Variants in SMAD2 observed in about 807,000 individuals in gnomAD.
The protein encoded by SMAD2 is SMAD family member 2.
A neutral mutation model predicts 64.4 loss-of-function variants in SMAD2; 8 were observed. The observed-to-expected ratio is 0.12, with a 90% CI of 0.07 to 0.22. SMAD2 has a LOEUF of 0.22. Among genes scored for constraint, SMAD2 ranks in the 10% least tolerant of loss-of-function variants. The pLI, the probability that SMAD2 is intolerant of heterozygous loss-of-function variation, is 1.00. For synonymous variants in SMAD2, 203 were observed against 195.8 expected, an observed-to-expected ratio of 1.04 and a Z score of -0.31; for missense variants, 289 against 561.2, an observed-to-expected ratio of 0.51 and a Z score of 4.90.
At chr18:47,915,092 T>C (rs1394885745) in intron 1 of SMAD2, among the ~76,000 whole-genome samples, 1 of 152,326 alleles carries the variant, frequency 6.6e-6, no homozygotes, top group East Asian at 1.9e-4. Context: ...TCAACACTCA[T>C]GTACTTTCCA....
chr18:47,871,561 G>A (rs2031934731), intron 2 of SMAD2, among the ~76,000 whole-genome samples: 1 of 152,162 alleles, frequency 6.6e-6, no homozygotes, highest in Non-Finnish European at 1.5e-5. Context: ...CTATCAGGCT[G>A]CAGGAACACA....
intron 2 of SMAD2, among the ~76,000 whole-genome samples, chr18:47,875,698 C>T (rs945477640): frequency 2.0e-5 from 3 of 152,050 alleles, no homozygotes; most frequent in African/African-American, 7.2e-5. Context: ...AATCCTCTTT[C>T]AATTTTATTT....
Position 47,841,512 on chromosome 18 carries a change from C to A in SMAD2, c.*315G>T. The A allele has an allele frequency of 2.2e-6, 1 of 449,546 alleles. No homozygotes were observed. The highest frequency in any genetic ancestry group is 2.3e-5 in the South Asian group (1 of 43,966). 27.8% of individuals were successfully genotyped at this position (449,546 alleles called of 1,614,324 possible). On this transcript the variant is annotated 3_prime_UTR_variant, in exon 11 of 11. Coordinates refer to ENST00000262160, the MANE Select transcript of SMAD2 (RefSeq NM_005901.6). ...AATACTGTGATACTGGATCATGATACATTACCTGTACACATAACTACTACT... is the reference window on the plus strand; with the variant it reads ...AATACTGTGATACTGGATCATGATAAATTACCTGTACACATAACTACTACT...
chr18:47,853,578 C>G, intron 6 of SMAD2: 1 of 173,568 alleles, frequency 5.8e-6, no homozygotes, highest in Non-Finnish European at 1.2e-5. Context: ...CACACCTCCT[C>G]CCTACCACAC....
chr18:47,882,426 G>C (rs756339968), intron 2 of SMAD2: 1 of 147,346 alleles, frequency 6.8e-6, no homozygotes, highest in Non-Finnish European at 1.5e-5. Flanking sequence ...TGAACTCCTA[G>C]GCTTAAGCAA....
At chr18:47,886,049 G>A (rs927369145) in intron 2 of SMAD2, among the ~76,000 whole-genome samples, 1 of 152,200 alleles carries the variant, frequency 6.6e-6, no homozygotes, top group African/African-American at 2.4e-5. Context: ...AGACTTGAGC[G>A]TCTCCAAATT....
At chr18:47,852,765 A>T (rs912762947) in intron 6 of SMAD2, among the ~76,000 whole-genome samples, 10 of 152,096 alleles carry the variant, frequency 6.6e-5, no homozygotes, top group Admixed American at 4.6e-4. Context: ...TTTTGGGTAA[A>T]CAGGCTAAAT....
chr18:47,903,883 G>GT (rs145313255), intron 1 of SMAD2, among the ~76,000 whole-genome samples: 1 of 138,924 alleles, frequency 7.2e-6, no homozygotes, highest in Non-Finnish European at 1.6e-5. Flanking sequence ...GTGTGGGGGG[G>GT]GGGGGGACTC....
chr18:47,879,547 T>TGTTA (rs1238531798), intron 2 of SMAD2, among the ~76,000 whole-genome samples: 2 of 143,982 alleles, frequency 1.4e-5, no homozygotes, highest in Non-Finnish European at 3.1e-5. Flanking sequence ...TTCCATTACT[T>TGTTA]GAACAAGCAT....
In SMAD2 at chr18:47,930,541, C is replaced by A. The variant is rs1258872844; in HGVS notation, c.-234G>T. The A allele has an allele frequency of 6.9e-6, 1 of 144,836 alleles. No homozygotes were observed. Among genetic ancestry groups the A allele is most frequent in the Non-Finnish European group, 1.5e-5 (1 of 65,630 alleles). 9.0% of individuals were successfully genotyped at this position (144,836 alleles called of 1,614,324 possible). Reference sequence around the variant, plus strand: ...CCCCGCCCCCAGGCCCGGGCCCGGCCGGCGGCCCGGGCGCGCGGGAGGGTA... The same window carrying A: ...CCCCGCCCCCAGGCCCGGGCCCGGCAGGCGGCCCGGGCGCGCGGGAGGGTA... On this transcript the variant is annotated 5_prime_UTR_variant, in exon 1 of 11. Coordinates refer to ENST00000262160, the MANE Select transcript of SMAD2 (RefSeq NM_005901.6).
chr18:47,886,570 C>CATGTATCTATCT (rs1555655791), intron 2 of SMAD2, among the ~76,000 whole-genome samples: 1 of 146,704 alleles, frequency 6.8e-6, no homozygotes, highest in African/African-American at 2.6e-5. Context: ...TATATCTATC[C>CATGTATCTATCT]ATCTATCTAT....
intron 1 of SMAD2, among the ~76,000 whole-genome samples, chr18:47,908,831 C>T (rs2096933): frequency 6.6e-6 from 1 of 151,942 alleles, no homozygotes; most frequent in Non-Finnish European, 1.5e-5. Flanking sequence ...AAAAAGTGAT[C>T]TCTCACATTT....
rs371834698 is a variant in SMAD2, at chr18:47,822,154, G to A, written c.*19673C>T. ...GAGTGTTCCAAAATTGTACGATGCC[G>A]TTAGAAATATGTCATCAGTCATAAT... On this transcript the variant is annotated 3_prime_UTR_variant, in exon 11 of 11. Transcript: ENST00000262160. The A allele has an allele frequency of 8.5e-5, 13 of 152,184 alleles. No homozygotes were observed. The highest frequency in any genetic ancestry group is 1.5e-4 in the Non-Finnish European group (10 of 68,026). 9.4% of individuals were successfully genotyped at this position (152,184 alleles called of 1,614,324 possible). A position where few individuals can be genotyped will look rare whatever the true frequency, so the allele number is the denominator to read the frequency against.
chr18:47,859,320 A>G lies in SMAD2; in HGVS notation c.730+5739T>C, dbSNP rs573951585. Among the ~76,000 whole-genome samples the G allele has an allele frequency of 2.9e-4, 44 of 152,286 alleles. 1 individual carries two copies. In the South Asian group the frequency reaches 8.1e-3, roughly 28 times the overall value. On this transcript the variant is annotated intron_variant, in intron 6 of 10. Coordinates refer to ENST00000262160, the MANE Select transcript of SMAD2 (RefSeq NM_005901.6). ...ATCATAAAGAATTAAGAAGATGTAAACACTATCAACCACCCTGACCTAAAT... is the reference window on the plus strand; with the variant it reads ...ATCATAAAGAATTAAGAAGATGTAAGCACTATCAACCACCCTGACCTAAAT...
rs1913401718 is a variant in SMAD2 at position 47,836,253 on chromosome 18, G to T, written c.*5574C>A. On this transcript the variant is annotated 3_prime_UTR_variant, in exon 11 of 11. Transcript: ENST00000262160. ...AAGCAGCAACCTTGCACCAGAAGAA[G>T]AATTAAAGAGGGAGCAATCTAGTAT... The T allele has an allele frequency of 1.3e-5, 3 of 223,264 alleles. No individual in the cohort carries two copies. Among genetic ancestry groups the T allele is most frequent in the African/African-American group, 4.5e-5 (2 of 44,758 alleles). The allele number at this position is 223,264 out of a possible 1,614,324, so 13.8% of individuals were successfully genotyped here.
chr18:47,904,696 T>C (rs1387781621), intron 1 of SMAD2, among the ~76,000 whole-genome samples: 1 of 152,220 alleles, frequency 6.6e-6, no homozygotes, highest in Non-Finnish European at 1.5e-5. Flanking sequence ...AAGTAGGATT[T>C]ATCCCAAGGA....
chr18:47,828,960 A>T lies in SMAD2; in HGVS notation c.*12867T>A. The T allele has an allele frequency of 6.8e-6, 1 of 147,196 alleles. No individual in the cohort carries two copies. The highest frequency in any genetic ancestry group is 1.5e-5 in the Non-Finnish European group (1 of 67,186). The allele number at this position is 147,196 out of a possible 1,614,324, so 9.1% of individuals were successfully genotyped here. On this transcript the variant is annotated 3_prime_UTR_variant, in exon 11 of 11. Transcript: ENST00000262160. ...TAAAAAAAAAAAAAAAAAAAAAAAA[A>T]AAGACTTTAGTTCAAGTTGAGACCA...
chr18:47,888,257 T>C (rs950741351), intron 2 of SMAD2, among the ~76,000 whole-genome samples: 5 of 151,726 alleles, frequency 3.3e-5, no homozygotes, highest in African/African-American at 1.2e-4. Flanking sequence ...GAGATCCAGA[T>C]GAACTAAAAC....
At chr18:47,849,762 C>T (rs569068903) in intron 7 of SMAD2, among the ~76,000 whole-genome samples, 53 of 152,162 alleles carry the variant, frequency 3.5e-4, no homozygotes, top group Middle Eastern at 3.4e-3. Context: ...AATCCCAGCA[C>T]TTTAGGAGGT....
Sources: allele counts gnomAD v4.1 joint callset (sites outside exome capture counted in the v4.1 genomes callset), GRCh38; gene constraint gnomAD v4.1.1; transcripts MANE v1.5; gene names NCBI Gene and HGNC (gene_info 2026-07-23, HGNC 2026-07-21).